Variants in DAB1 observed in about 807,000 individuals in gnomAD.
The protein encoded by DAB1 is DAB adaptor protein 1.
In DAB1, 15 loss-of-function variants were observed where a neutral mutation model predicts 64.6. That is an observed-to-expected ratio of 0.23 (90% CI 0.16 to 0.36). DAB1 has a LOEUF of 0.36. Ranked by LOEUF, DAB1 falls within the 10% of genes least tolerant of loss-of-function variation. DAB1 has a pLI of 1.00. For missense variants in DAB1, 596 were observed against 706.7 expected, an observed-to-expected ratio of 0.84 and a Z score of 1.78; for synonymous variants, 235 against 251.9, an observed-to-expected ratio of 0.93 and a Z score of 0.64.
At chr1:57,364,864 T>C (rs1035705223) in intron 1 of DAB1, among the ~76,000 whole-genome samples, 1 of 148,730 alleles carries the variant, frequency 6.7e-6, no homozygotes, top group Admixed American at 6.8e-5. Flanking sequence ...TGTATATATA[T>C]ATATATAGAG....
chr1:57,731,641 C>G (rs180965124), intron 6 of DAB1, among the ~76,000 whole-genome samples: 1 of 151,976 alleles, frequency 6.6e-6, no homozygotes, highest in Admixed American at 6.6e-5. Context: ...CCCGTCTCTA[C>G]TAAATATACA....
intron 9 of DAB1, among the ~76,000 whole-genome samples, chr1:57,028,172 A>C (rs1646852615): frequency 6.6e-6 from 1 of 152,028 alleles, no homozygotes; most frequent in Admixed American, 6.5e-5. Context: ...ACACACGGGG[A>C]GGTAATTGAA....
At chr1:57,758,237 A>AC (rs1390162630) in intron 6 of DAB1, among the ~76,000 whole-genome samples, 1 of 152,184 alleles carries the variant, frequency 6.6e-6, no homozygotes, top group Non-Finnish European at 1.5e-5. Flanking sequence ...AACCATGACA[A>AC]CTGCTTTATG....
chr1:58,313,626 C>A (rs1662477904), intron 4 of DAB1, among the ~76,000 whole-genome samples: 1 of 152,090 alleles, frequency 6.6e-6, no homozygotes, highest in Admixed American at 6.6e-5. Flanking sequence ...GAGTGGCTAA[C>A]AAAAGTAACC....
chr1:58,456,197 C>A lies in DAB1; in HGVS notation n.257+49863G>T, dbSNP rs568521545. ...GGGAAGGTCAAATGAGGGAGAGCAACTGATTTCAAAGACTGGGATCTTGGG... is the reference window on the plus strand; with the variant it reads ...GGGAAGGTCAAATGAGGGAGAGCAAATGATTTCAAAGACTGGGATCTTGGG... On this transcript the variant is annotated intron_variant and non_coding_transcript_variant, in intron 3 of 20. Coordinates refer to the DAB1 transcript ENST00000485760. 3.7e-4 allele frequency among the ~76,000 whole-genome samples: 56 copies of A among 152,352 alleles called. 1 individual carries two copies. The South Asian group carries it at 0.011, about 29-fold the overall frequency.
At chr1:57,919,237 T>C (rs1373127296) in intron 5 of DAB1, among the ~76,000 whole-genome samples, 3 of 152,180 alleles carry the variant, frequency 2.0e-5, no homozygotes, top group African/African-American at 4.8e-5. Flanking sequence ...CTAACACAGA[T>C]AGACACTCAA....
chr1:57,795,511 C>T lies in DAB1; in HGVS notation n.551+88488G>A, dbSNP rs938025722. ...GTAGAGGATAGATCAAGAAAGTTCTCAAGTACCAAAGAAGTGTAATTATTA... is the reference window on the plus strand; with the variant it reads ...GTAGAGGATAGATCAAGAAAGTTCTTAAGTACCAAAGAAGTGTAATTATTA... On this transcript the variant is annotated intron_variant and non_coding_transcript_variant, in intron 6 of 20. Transcript: ENST00000485760. 4.6e-5 allele frequency among the ~76,000 whole-genome samples: 7 copies of T among 151,488 alleles called. No individual in the cohort carries two copies. In the South Asian group the frequency reaches 1.5e-3, roughly 32 times the overall value.
At chr1:58,395,888 T>C (rs1644517726) in intron 3 of DAB1, among the ~76,000 whole-genome samples, 1 of 152,174 alleles carries the variant, frequency 6.6e-6, no homozygotes, top group Non-Finnish European at 1.5e-5. Context: ...TCAAATTTGT[T>C]ATTCAAAAAG....
At chr1:58,146,659 A>ATG (rs1265657593) in intron 5 of DAB1, among the ~76,000 whole-genome samples, 3 of 152,156 alleles carry the variant, frequency 2.0e-5, no homozygotes, top group African/African-American at 7.2e-5. Flanking sequence ...AAGTTCACCT[A>ATG]TGTTGGCACA....
At chr1:57,951,621 C>T (rs1645281768) in intron 5 of DAB1, among the ~76,000 whole-genome samples, 1 of 151,972 alleles carries the variant, frequency 6.6e-6, no homozygotes, top group Non-Finnish European at 1.5e-5. Flanking sequence ...CCTCCTCTGG[C>T]AAATGGACAA....
At chr1:57,064,879 A>C (rs764240298) in intron 8 of DAB1, among the ~76,000 whole-genome samples, 1 of 152,174 alleles carries the variant, frequency 6.6e-6, no homozygotes, top group East Asian at 1.9e-4. Context: ...ACTGAGCTCC[A>C]TCTAAAAGAA....
intron 3 of DAB1, among the ~76,000 whole-genome samples, chr1:58,451,813 G>A (rs1270442822): frequency 6.6e-6 from 1 of 151,354 alleles, no homozygotes; most frequent in Non-Finnish European, 1.5e-5. Flanking sequence ...AAGACTGGAA[G>A]AAAATATTTG....
At chr1:57,695,464 A>T (rs1646833487) in intron 6 of DAB1, among the ~76,000 whole-genome samples, 1 of 152,192 alleles carries the variant, frequency 6.6e-6, no homozygotes, top group Non-Finnish European at 1.5e-5. Context: ...TTAAGTCTGT[A>T]TGTCTGTATA....
At chr1:58,086,537 T>C (rs756941777) in intron 5 of DAB1, among the ~76,000 whole-genome samples, 18 of 152,076 alleles carry the variant, frequency 1.2e-4, no homozygotes, top group Non-Finnish European at 1.9e-4. Flanking sequence ...TTTGATTTGA[T>C]GTTTGGAAGT....
At chr1:58,048,031 A>T in intron 5 of DAB1, 1 of 660,116 alleles carries the variant, frequency 1.5e-6, no homozygotes, top group Non-Finnish European at 2.7e-6. Context: ...GCCCATATAC[A>T]TGAGTATTTG....
At chr1:57,023,677 G>T in intron 10 of DAB1, 38 bp from the exon 11 acceptor site, 1 of 1,355,536 alleles carries the variant, frequency 7.4e-7, no homozygotes, top group Non-Finnish European at 1.0e-6. Flanking sequence ...CATGAGACCT[G>T]GCTTAGCAGT....
At chr1:58,212,401 G>A (rs982445491) in intron 4 of DAB1, among the ~76,000 whole-genome samples, 1 of 152,194 alleles carries the variant, frequency 6.6e-6, no homozygotes, top group African/African-American at 2.4e-5. Context: ...CACAGTTAGA[G>A]TCGAGTGAGG....
At chr1:57,612,125 T>G (rs1285555902) in intron 7 of DAB1, among the ~76,000 whole-genome samples, 1 of 152,138 alleles carries the variant, frequency 6.6e-6, no homozygotes, top group Non-Finnish European at 1.5e-5. Context: ...ATCTCTTACC[T>G]AAAATAGCTC....
At chr1:58,253,886 A>G (rs1258206341) in intron 4 of DAB1, among the ~76,000 whole-genome samples, 1 of 152,172 alleles carries the variant, frequency 6.6e-6, no homozygotes, top group Non-Finnish European at 1.5e-5. Flanking sequence ...TCTGTTTTTC[A>G]ACTGGACAGG....
Sources: gnomAD v4.1 joint callset for allele counts (sites outside exome capture counted in the v4.1 genomes callset) on GRCh38, gnomAD v4.1.1 for gene constraint, MANE v1.5 for transcripts, NCBI Gene and HGNC (gene_info 2026-07-23, HGNC 2026-07-21) for gene names.